The following EIF2S1 variants were observed in gnomAD, a reference collection of about 807,000 sequenced individuals.
EIF2S1 encodes eukaryotic translation initiation factor 2 subunit 1.
Under a neutral mutation model 33.5 loss-of-function variants are expected in EIF2S1, and 5 were observed. The observed-to-expected ratio is 0.15, with a 90% CI of 0.08 to 0.31. The LOEUF is 0.31. Among genes scored for constraint, EIF2S1 ranks in the 10% least tolerant of loss-of-function variants. The pLI is 1.00. For missense variants in EIF2S1, 191 were observed against 384.6 expected, an observed-to-expected ratio of 0.50 and a Z score of 4.21; for synonymous variants, 99 against 127.5, an observed-to-expected ratio of 0.78 and a Z score of 1.51.
chr14:67,381,833 G>A, intron 6 of EIF2S1, 143 bp downstream of exon 6: 1 of 564,960 alleles, frequency 1.8e-6, no homozygotes, highest in Non-Finnish European at 3.1e-6. Context: ...AGTGGTTCTT[G>A]GTAATATTTC....
intron 2 of EIF2S1, among the ~76,000 whole-genome samples, chr14:67,372,204 G>GA (rs2085826888): frequency 6.6e-6 from 1 of 152,126 alleles, no homozygotes; most frequent in African/African-American, 2.4e-5. Context: ...GCTGATCAAA[G>GA]AAAAAATTAT....
intron 2 of EIF2S1, among the ~76,000 whole-genome samples, chr14:67,372,684 C>T (rs566674695): frequency 2.6e-5 from 4 of 151,876 alleles, no homozygotes; most frequent in East Asian, 1.9e-4. Context: ...AAAAAATTAG[C>T]GGGCATAGTG....
At chr14:67,364,689 G>T in intron 1 of EIF2S1, 78 bp from the exon 2 acceptor site, 1 of 1,376,084 alleles carries the variant, frequency 7.3e-7, no homozygotes, top group Admixed American at 2.6e-5. Flanking sequence ...TTCTTTCAGT[G>T]GCAGGATGTG....
Position 67,380,654 on chromosome 14 carries a change from AC to A in EIF2S1, c.474-3del. The A allele has an allele frequency of 6.7e-7, 1 of 1,490,990 alleles. No homozygotes were observed. The highest frequency in any genetic ancestry group is 9.0e-7 in the Non-Finnish European group (1 of 1,111,696). 92.4% of individuals were successfully genotyped at this position (1,490,990 alleles called of 1,614,324 possible). A position where few individuals can be genotyped will look rare whatever the true frequency, so the allele number is the denominator to read the frequency against. On this transcript the variant is annotated splice_polypyrimidine_tract_variant and splice_region_variant and intron_variant, in intron 4 of 7. Coordinates refer to ENST00000256383, the MANE Select transcript of EIF2S1 (RefSeq NM_004094.5). ...CTTTTGTTATTTATTTATGTTTTTG[AC>A]CAGAGACCCATCTATTTTGGATAGT...
At position 67,382,634 on chromosome 14, in the gene EIF2S1, C is replaced by T. The variant is rs374641619; in HGVS notation, c.822+44C>T. On this transcript the variant is annotated intron_variant, in intron 7 of 7. Transcript: ENST00000256383. ...TTTTTAATAATGACTCAGGAGGTTC[C>T]TAAAAGGAGTTCTTGTAGGTAAATA... 4.4e-5 allele frequency: 70 copies of T among 1,608,366 alleles called. No homozygotes were observed. In the African/African-American group the frequency reaches 9.1e-4, roughly 21 times the overall value.
intron 2 of EIF2S1, among the ~76,000 whole-genome samples, chr14:67,368,890 G>A (rs2085799591): frequency 6.6e-6 from 1 of 151,956 alleles, no homozygotes; most frequent in Non-Finnish European, 1.5e-5. Flanking sequence ...ATACACTATT[G>A]TAAAAGCCAA....
At position 67,381,608 on chromosome 14, in the gene EIF2S1, G is replaced by A; in HGVS notation, c.596G>A (p.Cys199Tyr). 2 of 1,606,062 alleles carry A rather than the reference G, an allele frequency of 1.2e-6. No homozygotes were observed. Among genetic ancestry groups the A allele is most frequent in the Non-Finnish European group, 1.7e-6 (2 of 1,177,480 alleles). Residue 199 changes from cysteine (C) to tyrosine (Y), a missense_variant, in exon 6 of 8, where the codon TGT becomes TAT. Transcript: ENST00000256383. ...GTAATTGTAGATATTGAAGTGGCTT[G>A]TTATGGTTATGAAGGCATTGATGCT... The part of the protein sequence containing the change: ...VKIRADIEVA[C>Y]YGYEGIDAVK...
intron 2 of EIF2S1, among the ~76,000 whole-genome samples, chr14:67,369,382 C>T (rs1487831840): frequency 6.6e-6 from 1 of 152,066 alleles, no homozygotes; most frequent in Non-Finnish European, 1.5e-5. Flanking sequence ...AAATTGAATT[C>T]AAGAGAGAAA....
chr14:67,364,048 TG>T (rs1429615204), intron 1 of EIF2S1: 1 of 152,146 alleles, frequency 6.6e-6, no homozygotes, highest in Non-Finnish European at 1.5e-5. Context: ...AAGAGAAACT[TG>T]AACTTTGTAG....
chr14:67,381,322 GTTC>G (rs1156615657), intron 5 of EIF2S1, among the ~76,000 whole-genome samples: 13 of 152,258 alleles, frequency 8.5e-5, no homozygotes, highest in African/African-American at 2.2e-4. Context: ...TTACACAAAT[GTTC>G]TTCAAGACAA....
intron 1 of EIF2S1, among the ~76,000 whole-genome samples, chr14:67,362,208 T>A (rs1282939759): frequency 2.0e-5 from 3 of 151,728 alleles, no homozygotes; most frequent in African/African-American, 7.3e-5. Context: ...TTAGTAGAAA[T>A]GGGGTTTCAC....
Position 67,383,536 on chromosome 14 carries a change from A to T in EIF2S1, c.*96A>T. On this transcript the variant is annotated 3_prime_UTR_variant, in exon 8 of 8. Coordinates refer to ENST00000256383, the MANE Select transcript of EIF2S1 (RefSeq NM_004094.5). ...AAGTTTTCCAGTATTGAAAACTTCA[A>T]AGCTGAATATTTTTTATTTCTAAGT... 6.6e-7 allele frequency: 1 copy of T among 1,517,850 alleles called. No individual in the cohort carries two copies. The highest frequency in any genetic ancestry group is 9.0e-7 in the Non-Finnish European group (1 of 1,115,498). 94.0% of individuals were successfully genotyped at this position (1,517,850 alleles called of 1,614,324 possible).
rs114408219 is a variant in EIF2S1, at chr14:67,382,957, A to G, written c.823-358A>G. Reference sequence around the variant, plus strand: ...GGTTCCTTCTATGGAAAGGACTAGTAAGCTAGTAAGTAGTAGTTTGAGCCT... The same window carrying G: ...GGTTCCTTCTATGGAAAGGACTAGTGAGCTAGTAAGTAGTAGTTTGAGCCT... On this transcript the variant is annotated intron_variant, in intron 7 of 7. Coordinates refer to ENST00000256383, the MANE Select transcript of EIF2S1 (RefSeq NM_004094.5). Among the ~76,000 whole-genome samples, 758 of 152,072 alleles carry G rather than the reference A, an allele frequency of 5.0e-3. 7 individuals carry two copies. The highest frequency in any genetic ancestry group is 0.017 in the African/African-American group (725 of 41,482).
In EIF2S1 at chr14:67,383,632, C is replaced by A; in HGVS notation, c.*192C>A. On this transcript the variant is annotated 3_prime_UTR_variant, in exon 8 of 8. Coordinates refer to ENST00000256383, the MANE Select transcript of EIF2S1 (RefSeq NM_004094.5). Reference sequence around the variant, plus strand: ...GTCAGCTGTTGTCACACAGTAGCTCCAACACTTTGAGCATTTTTAAGGGAG... The same window carrying A: ...GTCAGCTGTTGTCACACAGTAGCTCAAACACTTTGAGCATTTTTAAGGGAG... The A allele has an allele frequency of 2.9e-6, 2 of 681,008 alleles. No individual in the cohort carries two copies. Among genetic ancestry groups the A allele is most frequent in the Non-Finnish European group, 4.8e-6 (2 of 420,166 alleles). 42.2% of individuals were successfully genotyped at this position (681,008 alleles called of 1,614,324 possible).
In EIF2S1 at chr14:67,386,047, G is replaced by A. The variant is rs2085921862; in HGVS notation, c.*2607G>A. ...ATGGTCATCTACTTTGCAACCTATG[G>A]AGATCCTGATAGCTCCCATACAAAG... is the stretch of plus-strand genomic sequence containing the variant. On this transcript the variant is annotated 3_prime_UTR_variant, in exon 8 of 8. Transcript: ENST00000256383. 6.6e-6 allele frequency: 1 copy of A among 152,238 alleles called. No individual in the cohort carries two copies. 9.4% of individuals were successfully genotyped at this position (152,238 alleles called of 1,614,324 possible). A position where few individuals can be genotyped will look rare whatever the true frequency, so the allele number is the denominator to read the frequency against.
intron 2 of EIF2S1, 101 bp downstream of exon 2, chr14:67,365,109 C>T: frequency 8.0e-7 from 1 of 1,243,066 alleles, no homozygotes; most frequent in Non-Finnish European, 1.1e-6. Context: ...AAAAAAAAAG[C>T]TCCTTTTATA....
At chr14:67,367,791 G>A (rs1289870646) in intron 2 of EIF2S1, among the ~76,000 whole-genome samples, 1 of 151,562 alleles carries the variant, frequency 6.6e-6, no homozygotes, top group Non-Finnish European at 1.5e-5. Flanking sequence ...AGCCAAGATT[G>A]CACCGCTGCA....
intron 2 of EIF2S1, 45 bp downstream of exon 2, chr14:67,365,053 G>A (rs749579163): frequency 7.3e-6 from 11 of 1,502,126 alleles, no homozygotes; most frequent in South Asian, 2.7e-5. Context: ...GATTTAAAAT[G>A]GTTTATTTAA....
intron 1 of EIF2S1, 59 bp downstream of exon 1, chr14:67,360,515 T>C (rs1041333935): frequency 6.7e-6 from 2 of 298,510 alleles, no homozygotes; most frequent in African/African-American, 4.3e-5. Flanking sequence ...TCCAGTGACA[T>C]GGGTGTTCGA....
Sources: gnomAD v4.1 joint callset for allele counts (sites outside exome capture counted in the v4.1 genomes callset) on GRCh38, gnomAD v4.1.1 for gene constraint, MANE v1.5 for transcripts, NCBI Gene and HGNC (gene_info 2026-07-23, HGNC 2026-07-21) for gene names.